GRM5: variants seen among roughly 807,000 people sequenced by gnomAD.
GRM5 encodes the protein metabotropic glutamate receptor 5.
Under a neutral mutation model 83.1 loss-of-function variants are expected in GRM5, and 19 were observed. The observed-to-expected ratio is 0.23, with a 90% CI of 0.16 to 0.34. The LOEUF is 0.34. GRM5 is among the 10% of genes least tolerant of loss of function. GRM5 has a pLI of 1.00. For synonymous variants in GRM5, 675 were observed against 633.6 expected (o/e 1.07, Z -0.98); for missense variants, 1,160 against 1,588.3 (o/e 0.73, Z 4.58).
chr11:88,741,381 C>T (rs970938706), intron 3 of GRM5, among the ~76,000 whole-genome samples: 1 of 152,004 alleles, frequency 6.6e-6, no homozygotes, highest in Non-Finnish European at 1.5e-5. Context: ...CAGGTTTAGG[C>T]CTACAGTGAT....
chr11:88,822,812 T>A (rs1017143928), intron 3 of GRM5, among the ~76,000 whole-genome samples: 2 of 151,772 alleles, frequency 1.3e-5, no homozygotes, highest in African/African-American at 4.8e-5. Context: ...TTCCTCCTTC[T>A]CTCCCTCCCC....
intron 8 of GRM5, among the ~76,000 whole-genome samples, chr11:88,538,811 G>T (rs1312527327): frequency 6.6e-6 from 1 of 152,166 alleles, no homozygotes; most frequent in Non-Finnish European, 1.5e-5. Flanking sequence ...GAAGAACTAG[G>T]ACACAGGAGA....
chr11:88,801,648 G>T (rs561855901), intron 3 of GRM5, among the ~76,000 whole-genome samples: 1 of 152,014 alleles, frequency 6.6e-6, no homozygotes, highest in African/African-American at 2.4e-5. Flanking sequence ...TGTATTAAGA[G>T]GACAATGTGG....
intron 8 of GRM5, among the ~76,000 whole-genome samples, chr11:88,555,279 C>G (rs75304557): frequency 0.013 from 1,963 of 152,238 alleles, 46 homozygotes; most frequent in African/African-American, 0.045. Context: ...AGTTCCTTAG[C>G]AAAGCAATCT....
Position 88,653,232 on chromosome 11 carries a change from A to G in GRM5, c.1083T>C (p.His361=). The change falls in exon 4 of 10, where the codon CAT becomes CAC. Residue 361 remains histidine, a synonymous_variant. Transcript: ENST00000305447. Reference sequence around the variant, plus strand: ...ACCCTTCCAGTCGGCACTGAAAACGATGCTGCCAAAATTCTTGAAACCAAG... The same window carrying G: ...ACCCTTCCAGTCGGCACTGAAAACGGTGCTGCCAAAATTCTTGAAACCAAG... ...RNPWFQEFWQ[H]RFQCRLEGFP... The G allele has an allele frequency of 1.9e-6, 3 of 1,613,136 alleles. No homozygotes were observed. The highest frequency in any genetic ancestry group is 2.5e-6 in the Non-Finnish European group (3 of 1,179,412).
chr11:88,820,394 G>T (rs868400408), intron 3 of GRM5, among the ~76,000 whole-genome samples: 12 of 88,544 alleles, frequency 1.4e-4, no homozygotes, highest in African/African-American at 5.4e-4. Flanking sequence ...AAAAAAAAAA[G>T]CCAATATAAT....
intron 2 of GRM5, among the ~76,000 whole-genome samples, chr11:88,886,758 T>C (rs1050890663): frequency 7.2e-5 from 11 of 152,314 alleles, no homozygotes; most frequent in African/African-American, 2.2e-4. Flanking sequence ...TCCTTTCCTG[T>C]CTGCGATCAT....
chr11:88,964,898 T>A (rs516476), intron 2 of GRM5, among the ~76,000 whole-genome samples: 67,394 of 151,938 alleles, frequency 0.44, 16,288 homozygotes, highest in South Asian at 0.65. Context: ...TAGAATGACA[T>A]CTTTAAAGTG....
chr11:89,049,273 T>C (rs141442583), intron 1 of GRM5, among the ~76,000 whole-genome samples: 49 of 152,304 alleles, frequency 3.2e-4, no homozygotes, highest in African/African-American at 1.1e-3. Context: ...TCTATTTCAA[T>C]TTAAATTCCT....
At chr11:88,804,202 C>T (rs1384807367) in intron 3 of GRM5, among the ~76,000 whole-genome samples, 9 of 149,322 alleles carry the variant, frequency 6.0e-5, no homozygotes, top group Admixed American at 1.3e-4. Context: ...ACCCAAAGGA[C>T]TATAAATCAT....
chr11:88,925,654 A>G, intron 2 of GRM5: 1 of 427,944 alleles, frequency 2.3e-6, no homozygotes, highest in Non-Finnish European at 4.7e-6. Flanking sequence ...GCTCATGCCC[A>G]TAATCCCAGC....
At chr11:88,669,644 A>G (rs898397558) in intron 3 of GRM5, among the ~76,000 whole-genome samples, 5 of 152,062 alleles carry the variant, frequency 3.3e-5, no homozygotes, top group Admixed American at 3.3e-4. Context: ...ACATAAATAC[A>G]TTTAATTTCT....
chr11:89,009,929 A>C (rs12289402), intron 2 of GRM5, among the ~76,000 whole-genome samples: 1,188 of 102,108 alleles, frequency 0.012, 51 homozygotes, highest in African/African-American at 0.031. Flanking sequence ...AAAAAAAAAA[A>C]ACACACACAA....
At chr11:88,538,107 A>C (rs1942178313) in intron 8 of GRM5, among the ~76,000 whole-genome samples, 1 of 151,768 alleles carries the variant, frequency 6.6e-6, no homozygotes, top group Admixed American at 6.6e-5. Context: ...AGAAAAAAAA[A>C]AAAACCTCAA....
At chr11:88,654,377 A>T (rs1030896335) in intron 3 of GRM5, among the ~76,000 whole-genome samples, 1 of 152,094 alleles carries the variant, frequency 6.6e-6, no homozygotes, top group African/African-American at 2.4e-5. Flanking sequence ...AGGAAGAAGG[A>T]AAGTGACTTG....
intron 2 of GRM5, among the ~76,000 whole-genome samples, chr11:88,893,487 G>C (rs11826329): frequency 0.12 from 17,518 of 152,072 alleles, 1,665 homozygotes; most frequent in African/African-American, 0.24. Flanking sequence ...GCACGTCTTA[G>C]ATGGTCTGTT....
intron 2 of GRM5, among the ~76,000 whole-genome samples, chr11:88,938,056 G>A (rs551774676): frequency 6.6e-6 from 1 of 151,564 alleles, no homozygotes; most frequent in East Asian, 1.9e-4. Context: ...ATATTCTCAC[G>A]ACCAACAAGG....
At chr11:88,912,506 A>G (rs1945516341) in intron 2 of GRM5, among the ~76,000 whole-genome samples, 1 of 120,962 alleles carries the variant, frequency 8.3e-6, no homozygotes, top group Non-Finnish European at 1.6e-5. Flanking sequence ...AGATCATTAT[A>G]TACTGTGTAT....
At chr11:88,782,995 A>G (rs1366091070) in intron 3 of GRM5, among the ~76,000 whole-genome samples, 1 of 152,110 alleles carries the variant, frequency 6.6e-6, no homozygotes, top group Non-Finnish European at 1.5e-5. Context: ...AGATTAAGCT[A>G]TTTGCTAAGG....
Sources: gnomAD v4.1 joint callset for allele counts (sites outside exome capture counted in the v4.1 genomes callset) on GRCh38, gnomAD v4.1.1 for gene constraint, MANE v1.5 for transcripts, NCBI Gene and HGNC (gene_info 2026-07-23, HGNC 2026-07-21) for gene names.